Variants in SH3GLB2 observed in about 807,000 individuals in gnomAD.
SH3GLB2 encodes the protein endophilin-B2.
Under a neutral mutation model 48.0 loss-of-function variants are expected in SH3GLB2, and 24 were observed. The observed-to-expected ratio is 0.50, with a 90% CI of 0.36 to 0.70. SH3GLB2 has a LOEUF of 0.70. Among genes scored for constraint, SH3GLB2 ranks in the 30% least tolerant of loss-of-function variants. The pLI is 0.00. For synonymous variants in SH3GLB2, 227 were observed against 207.6 expected (o/e 1.09, Z -0.80); for missense variants, 425 against 516.0 (o/e 0.82, Z 1.71).
At chr9:129,026,203 GTTC>G (rs1844151990) in intron 1 of SH3GLB2, among the ~76,000 whole-genome samples, 2 of 152,192 alleles carry the variant, frequency 1.3e-5, no homozygotes, top group South Asian at 4.1e-4. Context: ...CCAAGGCCTT[GTTC>G]CTTGCTGGAT....
In SH3GLB2 at chr9:129,014,565, C is replaced by T; in HGVS notation, c.469-62G>A. 1 of 1,521,438 alleles carries T rather than the reference C, an allele frequency of 6.6e-7. No homozygotes were observed. The highest frequency in any genetic ancestry group is 8.9e-7 in the Non-Finnish European group (1 of 1,119,880). 94.2% of individuals were successfully genotyped at this position (1,521,438 alleles called of 1,614,324 possible). Reference sequence around the variant, plus strand: ...CTGCCCTGGGAGACCCTGAGCCATGCATGGCAAGATTGGTGCCGGGGACGA... The same window carrying T: ...CTGCCCTGGGAGACCCTGAGCCATGTATGGCAAGATTGGTGCCGGGGACGA... On this transcript the variant is annotated intron_variant, in intron 4 of 10. Transcript: ENST00000372564. The surrounding 1 kb of genome is among the most constrained non-coding windows in gnomAD (Gnocchi z 4.1).
In SH3GLB2 at chr9:129,009,143, G is replaced by T; in HGVS notation, c.1043C>A (p.Ala348Glu). The change falls in exon 10 of 11, where the codon GCA (alanine) becomes GAA (glutamate). Residue 348 changes from alanine to glutamate, a missense_variant. Physicochemically the swap from Ala to Glu is moderately radical, Grantham distance 107 (BLOSUM62 -1). Transcript: ENST00000372564. ...RKARVLYDYE[A>E]ADSSELALLA... is the part of the protein sequence containing the mutation. ...CAGGGCCAGCTCACTGCTGTCGGCT[G>T]CCTCGTAGTCATAGAGCACCCGAGC... 6.2e-7 allele frequency: 1 copy of T among 1,611,004 alleles called. No homozygotes were observed.
intron 9 of SH3GLB2, 135 bp from the exon 10 acceptor site, chr9:129,009,481 G>T (rs1185037895): frequency 6.5e-7 from 1 of 1,549,214 alleles, no homozygotes; most frequent in Non-Finnish European, 8.7e-7. Context: ...GCAGCACAAA[G>T]GGAAAAGCAA....
Position 129,019,837 on chromosome 9 carries a change from G to GA in SH3GLB2, c.334+1253dup, listed in dbSNP as rs906355899. Among the ~76,000 whole-genome samples the GA allele has an allele frequency of 4.0e-4, 58 of 143,412 alleles. 1 individual carries two copies. Among genetic ancestry groups the GA allele is most frequent in the African/African-American group, 9.7e-4 (37 of 38,328 alleles). The allele number at this position is 143,412 out of a possible 152,430, so 94.1% of individuals were successfully genotyped here. A position where few individuals can be genotyped will look rare whatever the true frequency, so the allele number is the denominator to read the frequency against. On this transcript the variant is annotated intron_variant, in intron 3 of 10. Transcript: ENST00000372564. ...TTATACTTGGATAAAATTTTAAAAT[G>GA]AAAAAAAAAAGATGGATATGGTTCT...
At position 129,008,690 on chromosome 9, in the gene SH3GLB2, G is replaced by A. The variant is rs770961500; in HGVS notation, c.1182C>T (p.Leu394=). The A allele has an allele frequency of 5.6e-6, 9 of 1,613,880 alleles. No homozygotes were observed. The South Asian group carries it at 7.7e-5, about 14-fold the overall frequency. ...GGGGGATGGGGGCACCTGCCTAGCT[G>A]AGCAGTTCCAAGTAGGTGACAGGGA... is the stretch of plus-strand genomic sequence containing the variant. ...GKVPVTYLEL[L]S is the part of the protein sequence containing the mutation. Residue 394 remains leucine (L), a synonymous_variant, in exon 11 of 11, where the codon CTC becomes CTT. Coordinates refer to ENST00000372564, the MANE Select transcript of SH3GLB2 (RefSeq NM_020145.4).
chr9:129,012,336 C>A (rs1843176481), intron 5 of SH3GLB2, 38 bp from the exon 6 acceptor site: 3 of 1,255,898 alleles, frequency 2.4e-6, no homozygotes, highest in African/African-American at 3.1e-5. Flanking sequence ...AGGGGGTCAC[C>A]CTGGGCCAGG....
Position 129,014,431 on chromosome 9 carries a change from C to G in SH3GLB2, c.541G>C (p.Ala181Pro), listed in dbSNP as rs1470420764. The change falls in exon 5 of 11, where the codon GCT becomes CCT. Residue 181 changes from alanine to proline, a missense_variant. Physicochemically the swap from Ala to Pro is conservative, Grantham distance 27. Coordinates refer to ENST00000372564, the MANE Select transcript of SH3GLB2 (RefSeq NM_020145.4). The surrounding 1 kb of genome is among the most constrained non-coding windows in gnomAD (Gnocchi z 4.1). ...ACKARLKKAK[A>P]AEAKATTVPD... Reference sequence around the variant, plus strand: ...CCTACCGTGGCTTTGGCTTCTGCAGCCTTGGCCTTCTTCAGCCTCGCTTTG... The same window carrying G: ...CCTACCGTGGCTTTGGCTTCTGCAGGCTTGGCCTTCTTCAGCCTCGCTTTG... 1 of 1,550,232 alleles carries G rather than the reference C, an allele frequency of 6.5e-7. No homozygotes were observed. Among genetic ancestry groups the G allele is most frequent in the Admixed American group, 2.0e-5 (1 of 51,026 alleles).
intron 6 of SH3GLB2, 197 bp from the exon 7 acceptor site, chr9:129,010,890 A>C: frequency 4.9e-6 from 3 of 612,194 alleles, no homozygotes; most frequent in Non-Finnish European, 8.8e-6. Flanking sequence ...TCCCTCTAAC[A>C]TGCCTCATGC....
rs1421853555 is a variant in SH3GLB2 at position 129,009,105 on chromosome 9, C to A, written c.1080+1G>T. The A allele has an allele frequency of 5.0e-6, 8 of 1,607,828 alleles. No individual in the cohort carries two copies. The highest frequency in any genetic ancestry group is 6.8e-6 in the Non-Finnish European group (8 of 1,179,760). On this transcript the variant is annotated splice_donor_variant, in intron 10 of 10. Coordinates refer to ENST00000372564, the MANE Select transcript of SH3GLB2 (RefSeq NM_020145.4). LOFTEE classifies it high-confidence loss of function. ...GCCCCACCTTGCGGCACCGGGCCCA[C>A]CTCATCAGCCAGCAGGGCCAGCTCA...
intron 9 of SH3GLB2, 151 bp downstream of exon 9, chr9:129,009,620 C>T (rs1366667412): frequency 2.8e-6 from 4 of 1,408,614 alleles, no homozygotes; most frequent in Non-Finnish European, 2.9e-6. Context: ...CACCCTCATA[C>T]ACATGAGATG....
intron 7 of SH3GLB2, 173 bp from the exon 8 acceptor site, chr9:129,010,382 C>T (rs886337950): frequency 3.1e-6 from 2 of 651,878 alleles, no homozygotes; most frequent in South Asian, 1.9e-5. Context: ...GAAGCTAGAG[C>T]CCCACTCAGG....
intron 5 of SH3GLB2, 79 bp from the exon 6 acceptor site, chr9:129,012,377 A>G: frequency 1.1e-6 from 1 of 911,364 alleles, no homozygotes; most frequent in Non-Finnish European, 1.5e-6. Context: ...GCTACCCCAG[A>G]GTCTTGCACA....
rs1304145718 is a variant in SH3GLB2, at chr9:129,028,268, ACCCGCCTGCCGGCCTG to A, written c.-130_-115del. 6 of 658,364 alleles carry A rather than the reference ACCCGCCTGCCGGCCTG, an allele frequency of 9.1e-6. No individual in the cohort carries two copies. Among genetic ancestry groups the A allele is most frequent in the East Asian group, 2.8e-4 (2 of 7,092 alleles). The allele number at this position is 658,364 out of a possible 1,614,324, so 40.8% of individuals were successfully genotyped here. On this transcript the variant is annotated 5_prime_UTR_variant, in exon 1 of 11. Transcript: ENST00000372564. ...GCTGCGGGGCACCAGCCCTCCGCGC[ACCCGCCTGCCGGCCTG>A]CCCGCCTGCCCGCCCGCCGCAGCCG...
intron 10 of SH3GLB2, 112 bp from the exon 11 acceptor site, chr9:129,008,903 CCTT>C: frequency 7.8e-7 from 1 of 1,275,462 alleles, no homozygotes. Context: ...ATGTGCTACA[CCTT>C]CAGTGGCTGG....
At chr9:129,026,529 A>G (rs1844171523) in intron 1 of SH3GLB2, among the ~76,000 whole-genome samples, 1 of 152,126 alleles carries the variant, frequency 6.6e-6, no homozygotes, top group Non-Finnish European at 1.5e-5. Context: ...CTCTATTTAT[A>G]AAGCTCTCAG....
chr9:129,011,971 A>T lies in SH3GLB2; in HGVS notation c.624+265T>A, dbSNP rs573393987. ...GCTGCCGCCCTGAGTTCTCCACACT[A>T]CTCAGTGTGGCTGGCCCTGCCGCCA... On this transcript the variant is annotated intron_variant, in intron 6 of 10. Coordinates refer to ENST00000372564, the MANE Select transcript of SH3GLB2 (RefSeq NM_020145.4). The surrounding 1 kb of genome is among the most constrained non-coding windows in gnomAD (Gnocchi z 4.5). 14 of 371,910 alleles carry T rather than the reference A, an allele frequency of 3.8e-5. No homozygotes were observed. The highest frequency in any genetic ancestry group is 6.7e-5 in the Non-Finnish European group (14 of 209,516). 23.0% of individuals were successfully genotyped at this position (371,910 alleles called of 1,614,324 possible).
chr9:129,021,585 G>A (rs1053328710), intron 2 of SH3GLB2, among the ~76,000 whole-genome samples: 15 of 151,596 alleles, frequency 9.9e-5, no homozygotes, highest in African/African-American at 3.2e-4. Context: ...CCTGCAGGTC[G>A]CTTCTGCTTG....
intron 3 of SH3GLB2, among the ~76,000 whole-genome samples, chr9:129,017,945 C>T (rs1445861398): frequency 3.4e-5 from 5 of 145,100 alleles, no homozygotes; most frequent in Admixed American, 1.4e-4. Flanking sequence ...ATTATAGGTG[C>T]GTGATGGTGC....
chr9:129,022,223 C>T (rs2131292440), intron 2 of SH3GLB2, 59 bp downstream of exon 2: 1 of 1,594,576 alleles, frequency 6.3e-7, no homozygotes, highest in East Asian at 2.2e-5. Context: ...GGCCAGGCCT[C>T]CTACTGTATC....
Sources: allele counts gnomAD v4.1 joint callset (sites outside exome capture counted in the v4.1 genomes callset), GRCh38; gene constraint gnomAD v4.1.1; non-coding constraint Gnocchi (gnomAD v3.1); transcripts MANE v1.5; gene names NCBI Gene and HGNC (gene_info 2026-07-23, HGNC 2026-07-21).